Variants in NLRC5 observed in about 807,000 individuals in gnomAD.
NLRC5 encodes NLR family CARD domain containing 5, also known as protein NLRC5.
Under a neutral mutation model 206.9 loss-of-function variants are expected in NLRC5, and 114 were observed. That is an observed-to-expected ratio of 0.55 (90% CI 0.47 to 0.64). The LOEUF is 0.64. Ranked by LOEUF, NLRC5 falls within the 30% of genes least tolerant of loss-of-function variation. The pLI is 0.00. For missense variants in NLRC5, 2,008 were observed against 2,305.5 expected (o/e 0.87, Z 2.64); for synonymous variants, 952 against 962.8 (o/e 0.99, Z 0.21).
intron 15 of NLRC5, among the ~76,000 whole-genome samples, chr16:57,039,380 G>A (rs2062996319): frequency 6.6e-6 from 1 of 152,226 alleles, no homozygotes. Context: ...AGTGGCTGCA[G>A]CTGGAGGCAG....
chr16:57,021,854 G>T (rs1414451328), intron 3 of NLRC5, among the ~76,000 whole-genome samples: 2 of 152,206 alleles, frequency 1.3e-5, no homozygotes, highest in African/African-American at 4.8e-5. Context: ...ACTCACTTAA[G>T]AACCCTACTT....
At chr16:57,004,932 C>T (rs1194829902) in intron 1 of NLRC5, among the ~76,000 whole-genome samples, 1 of 152,186 alleles carries the variant, frequency 6.6e-6, no homozygotes, top group Non-Finnish European at 1.5e-5. Context: ...CCTTTTCCCT[C>T]TCTCTGTCTG....
chr16:57,080,801 G>A, intron 46 of NLRC5: 1 of 326,910 alleles, frequency 3.1e-6, no homozygotes, highest in East Asian at 5.8e-5. Flanking sequence ...AAAAGAGGGG[G>A]CCAATTTAAA....
At chr16:57,025,061 C>G (rs1430781977) in intron 5 of NLRC5, among the ~76,000 whole-genome samples, 1 of 152,154 alleles carries the variant, frequency 6.6e-6, no homozygotes, top group Non-Finnish European at 1.5e-5. Context: ...ATTCCCCTCC[C>G]CCCATCTTAC....
chr16:57,057,372 C>A (rs1482832888), intron 27 of NLRC5, among the ~76,000 whole-genome samples: 2 of 152,210 alleles, frequency 1.3e-5, no homozygotes, highest in East Asian at 3.9e-4. Flanking sequence ...CGCAGTGAGC[C>A]AAGATCGTGC....
chr16:57,053,271 G>A (rs894976485), intron 24 of NLRC5, among the ~76,000 whole-genome samples: 7 of 152,166 alleles, frequency 4.6e-5, no homozygotes, highest in Non-Finnish European at 5.9e-5. Context: ...GAGAGAGCTC[G>A]CCTTGTGAAG....
At chr16:57,052,469 A>G (rs532267879) in intron 24 of NLRC5, 7 of 152,030 alleles carry the variant, frequency 4.6e-5, no homozygotes, top group Admixed American at 1.3e-4. Context: ...GTGAAACTCC[A>G]TCTCAGAAAA....
At position 57,047,441 on chromosome 16, in the gene NLRC5, C is replaced by T; in HGVS notation, c.3339-104C>T. The T allele has an allele frequency of 4.9e-6, 5 of 1,016,834 alleles. No individual in the cohort carries two copies. In the Admixed American group the frequency reaches 6.4e-5, roughly 13 times the overall value. 63.0% of individuals were successfully genotyped at this position (1,016,834 alleles called of 1,614,324 possible). A position where few individuals can be genotyped will look rare whatever the true frequency, so the allele number is the denominator to read the frequency against. On this transcript the variant is annotated intron_variant, in intron 22 of 48. Coordinates refer to ENST00000688547, the MANE Select transcript of NLRC5 (RefSeq NM_001384950.1). ...CCACAGGGGAAGGGGCCTGTGGCCTCCCACTTAGAGTGAGGGATGCTGGGA... is the reference window on the plus strand; with the variant it reads ...CCACAGGGGAAGGGGCCTGTGGCCTTCCACTTAGAGTGAGGGATGCTGGGA...
chr16:57,006,361 A>G (rs139644782), intron 1 of NLRC5, among the ~76,000 whole-genome samples: 3 of 148,876 alleles, frequency 2.0e-5, no homozygotes, highest in Admixed American at 6.7e-5. Context: ...TTTAAAAAAC[A>G]GTGTATCTTG....
chr16:57,012,847 T>C (rs565740884), intron 1 of NLRC5, among the ~76,000 whole-genome samples: 17 of 152,356 alleles, frequency 1.1e-4, no homozygotes, highest in Non-Finnish European at 2.4e-4. Flanking sequence ...TACGGTGTCC[T>C]GTTTCTTTAC....
At chr16:57,070,245 G>A (rs2067483244) in intron 37 of NLRC5, among the ~76,000 whole-genome samples, 2 of 93,676 alleles carry the variant, frequency 2.1e-5, no homozygotes, top group Admixed American at 1.1e-4. Flanking sequence ...TGAAGAACAA[G>A]AGGGTGTGTG....
chr16:57,028,740 G>T (rs2061494247), intron 8 of NLRC5, among the ~76,000 whole-genome samples: 1 of 152,186 alleles, frequency 6.6e-6, no homozygotes, highest in Non-Finnish European at 1.5e-5. Flanking sequence ...CTTCACATTT[G>T]TTCACACATG....
At chr16:57,006,862 G>C (rs1409616635) in intron 1 of NLRC5, among the ~76,000 whole-genome samples, 1 of 146,280 alleles carries the variant, frequency 6.8e-6, no homozygotes, top group Non-Finnish European at 1.5e-5. Context: ...CACATTTTTT[G>C]AGACAGGGTC....
intron 1 of NLRC5, among the ~76,000 whole-genome samples, chr16:57,006,818 G>T (rs936017537): frequency 4.6e-5 from 7 of 151,528 alleles, no homozygotes; most frequent in Non-Finnish European, 2.9e-5. Context: ...GTCCACGGAT[G>T]AATTTCTTCC....
chr16:57,028,274 C>T (rs777714055), intron 7 of NLRC5, 28 bp from the exon 8 acceptor site: 24 of 1,607,746 alleles, frequency 1.5e-5, no homozygotes, highest in African/African-American at 4.0e-5. Context: ...CTCCTCGTTC[C>T]TCCCCACCAT....
intron 29 of NLRC5, 121 bp from the exon 30 acceptor site, chr16:57,059,346 C>T: frequency 4.0e-6 from 6 of 1,490,728 alleles, no homozygotes; most frequent in Non-Finnish European, 5.4e-6. Flanking sequence ...CTGAGGCCTC[C>T]ATCCTCCCTT....
chr16:57,025,411 G>C lies in NLRC5; in HGVS notation c.468G>C (p.Gln156His). The C allele has an allele frequency of 6.4e-7, 1 of 1,566,158 alleles. No homozygotes were observed. Among genetic ancestry groups the C allele is most frequent in the Non-Finnish European group, 8.6e-7 (1 of 1,157,388 alleles). ...TGCAGCTCCTGCGGACCTCTGCCCA[G>C]CAGCGCTACAGGAGCCAAATCCCTG... is the stretch of plus-strand genomic sequence containing the variant. ...KYLQLLRTSA[Q>H]QRYRSQIPGS... is the part of the protein sequence containing the mutation. Residue 156 changes from glutamine (Q) to histidine (H), a missense_variant, in exon 6 of 49, where the codon CAG (glutamine) becomes CAC (histidine). Coordinates refer to ENST00000688547, the MANE Select transcript of NLRC5 (RefSeq NM_001384950.1).
At chr16:57,069,972 G>T in intron 37 of NLRC5, 53 bp downstream of exon 37, 1 of 1,469,826 alleles carries the variant, frequency 6.8e-7, no homozygotes. Context: ...GAGGGTGAGG[G>T]GTGGAGAAGA....
intron 1 of NLRC5, among the ~76,000 whole-genome samples, chr16:56,999,712 T>C (rs1204533518): frequency 6.6e-6 from 1 of 152,260 alleles, no homozygotes; most frequent in Non-Finnish European, 1.5e-5. Context: ...GTGTTGGTTA[T>C]GGGGAGACAT....
Sources: allele counts gnomAD v4.1 joint callset (sites outside exome capture counted in the v4.1 genomes callset), GRCh38; gene constraint gnomAD v4.1.1; transcripts MANE v1.5; gene names NCBI Gene and HGNC (gene_info 2026-07-23, HGNC 2026-07-21).